SLCO3A1: variants seen among roughly 807,000 people sequenced by gnomAD.
SLCO3A1 encodes the protein PGE1 transporter.
Under a neutral mutation model 63.1 loss-of-function variants are expected in SLCO3A1, and 27 were observed. The ratio of observed to expected loss-of-function variants is 0.43; its 90% CI spans 0.32 to 0.59. The LOEUF (loss-of-function observed/expected upper bound fraction) is 0.59, where lower values mean the gene tolerates loss of function less well. Ranked by LOEUF, SLCO3A1 falls within the 20% of genes least tolerant of loss-of-function variation. SLCO3A1 has a pLI of 0.09. For missense variants in SLCO3A1, 773 were observed against 945.8 expected (o/e 0.82, Z 2.40); for synonymous variants, 473 against 409.9 (o/e 1.15, Z -1.86).
chr15:91,894,001 C>T lies in SLCO3A1; in HGVS notation c.181-21992C>T, dbSNP rs990907341. ...GTTGCCATAGCGACTGGATTGGAAG[C>T]GAAGGTGGTGCTGATCAAAGGAAGC... is the stretch of plus-strand genomic sequence containing the variant. On this transcript the variant is annotated intron_variant, in intron 1 of 9. Coordinates refer to ENST00000318445, the MANE Select transcript of SLCO3A1 (RefSeq NM_013272.4). This position sits in a 1 kb window ranked among gnomAD's most constrained non-coding sequence, Gnocchi z 4.8. Among the ~76,000 whole-genome samples the T allele has an allele frequency of 3.3e-5, 5 of 152,142 alleles. No individual in the cohort carries two copies. The highest frequency in any genetic ancestry group is 1.2e-4 in the African/African-American group (5 of 41,422).
chr15:91,951,743 C>T (rs368272627), intron 2 of SLCO3A1, among the ~76,000 whole-genome samples: 18 of 152,024 alleles, frequency 1.2e-4, no homozygotes, highest in Middle Eastern at 3.4e-3. Flanking sequence ...TTAGTAGAGA[C>T]GGGGTTTCAC....
At chr15:91,908,550 C>T (rs1898383336) in intron 1 of SLCO3A1, 1 of 151,944 alleles carries the variant, frequency 6.6e-6, no homozygotes, top group African/African-American at 2.4e-5. Flanking sequence ...GTGCCATTTC[C>T]CTAGAACTGT....
chr15:92,152,549 G>A (rs571141780), intron 9 of SLCO3A1, among the ~76,000 whole-genome samples: 25 of 152,346 alleles, frequency 1.6e-4, no homozygotes, highest in African/African-American at 5.8e-4. Context: ...GGAAGCTGTA[G>A]TAGCATGCAG....
intron 1 of SLCO3A1, among the ~76,000 whole-genome samples, chr15:91,870,038 G>C (rs780350375): frequency 3.3e-5 from 5 of 152,172 alleles, no homozygotes; most frequent in Non-Finnish European, 5.9e-5. Context: ...TCTGTGAATC[G>C]AGTAAGTTGC....
rs4932585 is a variant in SLCO3A1, at chr15:91,894,318, T to C, written c.181-21675T>C. 0.15 allele frequency among the ~76,000 whole-genome samples: 22,444 copies of C among 151,974 alleles called. 1,913 individuals are homozygous for C. Among genetic ancestry groups the C allele is most frequent in the East Asian group, 0.38 (1,938 of 5,138 alleles). On this transcript the variant is annotated intron_variant, in intron 1 of 9. Transcript: ENST00000318445. The surrounding 1 kb of genome is among the most constrained non-coding windows in gnomAD (Gnocchi z 4.8). The stretch of plus-strand genomic sequence containing the variant: ...TTTATTCCAGGCCCATGGGGAGCCA[T>C]TGGAAAATACTGAGTAACTTGCCAT...
intron 2 of SLCO3A1, among the ~76,000 whole-genome samples, chr15:92,011,523 AT>A (rs2046368691): frequency 6.6e-6 from 1 of 150,962 alleles, no homozygotes; most frequent in South Asian, 2.1e-4. Context: ...TAAAAAAAAA[AT>A]TCCATCTTAT....
intron 2 of SLCO3A1, among the ~76,000 whole-genome samples, chr15:91,924,868 G>T (rs1283464100): frequency 6.6e-6 from 1 of 152,252 alleles, no homozygotes; most frequent in Non-Finnish European, 1.5e-5. Context: ...ATTTGTGGCT[G>T]GTTGGGGCCT....
intron 8 of SLCO3A1, among the ~76,000 whole-genome samples, chr15:92,150,686 T>G (rs2048293402): frequency 1.3e-5 from 2 of 152,182 alleles, no homozygotes; most frequent in South Asian, 4.1e-4. Context: ...ATTTGCATTC[T>G]GTCCTTCGAA....
chr15:91,958,150 A>G (rs189100557), intron 2 of SLCO3A1, among the ~76,000 whole-genome samples: 39 of 152,360 alleles, frequency 2.6e-4, no homozygotes, highest in Non-Finnish European at 4.3e-4. Flanking sequence ...TCATGAATGC[A>G]TAGAATATAT....
chr15:91,980,198 T>C (rs2045967365), intron 2 of SLCO3A1, among the ~76,000 whole-genome samples: 2 of 152,086 alleles, frequency 1.3e-5, no homozygotes, highest in African/African-American at 2.4e-5. Flanking sequence ...TTCTCAGGGG[T>C]TGGTGTGGGG....
intron 2 of SLCO3A1, among the ~76,000 whole-genome samples, chr15:91,961,981 A>G (rs1900464629): frequency 6.6e-6 from 1 of 152,244 alleles, no homozygotes; most frequent in East Asian, 1.9e-4. Flanking sequence ...ACCTGGACTC[A>G]GAAGACTGGG....
chr15:91,894,868 C>T lies in SLCO3A1; in HGVS notation c.181-21125C>T, dbSNP rs879654028. Among the ~76,000 whole-genome samples the T allele has an allele frequency of 6.6e-6, 1 of 152,168 alleles. No individual in the cohort carries two copies. The highest frequency in any genetic ancestry group is 6.5e-5 in the Admixed American group (1 of 15,282). Reference sequence around the variant, plus strand: ...GAAACCCCCGGAGGGACAGGGAGTGCGTAGAAGCAGGTTGTAGCTCGCCTG... The same window carrying T: ...GAAACCCCCGGAGGGACAGGGAGTGTGTAGAAGCAGGTTGTAGCTCGCCTG... On this transcript the variant is annotated intron_variant, in intron 1 of 9. Transcript: ENST00000318445. The surrounding 1 kb of genome is among the most constrained non-coding windows in gnomAD (Gnocchi z 4.8).
chr15:91,875,755 G>C lies in SLCO3A1; in HGVS notation c.180+21667G>C, dbSNP rs1395219206. Among the ~76,000 whole-genome samples the C allele has an allele frequency of 2.0e-5, 3 of 152,160 alleles. No individual in the cohort carries two copies. The highest frequency in any genetic ancestry group is 4.4e-5 in the Non-Finnish European group (3 of 68,038). Reference sequence around the variant, plus strand: ...GCAGTGACAGTGATTCTAGAGCAGGGGTTGGCAAACTATAGCCCATGGGCC... The same window carrying C: ...GCAGTGACAGTGATTCTAGAGCAGGCGTTGGCAAACTATAGCCCATGGGCC... On this transcript the variant is annotated intron_variant, in intron 1 of 9. Coordinates refer to ENST00000318445, the MANE Select transcript of SLCO3A1 (RefSeq NM_013272.4). The surrounding 1 kb of genome is among the most constrained non-coding windows in gnomAD (Gnocchi z 4.5).
intron 2 of SLCO3A1, among the ~76,000 whole-genome samples, chr15:92,000,083 C>G (rs1322441759): frequency 1.3e-5 from 2 of 152,148 alleles, no homozygotes; most frequent in Non-Finnish European, 2.9e-5. Context: ...AGATAAAAGT[C>G]TCAGCTAAGT....
chr15:91,872,864 T>G lies in SLCO3A1; in HGVS notation c.180+18776T>G, dbSNP rs1422286073. On this transcript the variant is annotated intron_variant, in intron 1 of 9. Coordinates refer to ENST00000318445, the MANE Select transcript of SLCO3A1 (RefSeq NM_013272.4). The surrounding 1 kb of genome is among the most constrained non-coding windows in gnomAD (Gnocchi z 4.1). ...TCTGTTCTCTGTTCCCTTCCTCCCCTTTAGGGCATGGTGGCGTCTGTAAGT... is the reference window on the plus strand; with the variant it reads ...TCTGTTCTCTGTTCCCTTCCTCCCCGTTAGGGCATGGTGGCGTCTGTAAGT... Among the ~76,000 whole-genome samples the G allele has an allele frequency of 6.6e-6, 1 of 152,118 alleles. No individual in the cohort carries two copies. Among genetic ancestry groups the G allele is most frequent in the Non-Finnish European group, 1.5e-5 (1 of 68,024 alleles).
chr15:91,867,821 T>C (rs747921706), intron 1 of SLCO3A1, among the ~76,000 whole-genome samples: 31 of 152,128 alleles, frequency 2.0e-4, no homozygotes, highest in Non-Finnish European at 4.1e-4. Flanking sequence ...CCCCGGGTGT[T>C]CTGGGGGCTG....
At chr15:91,905,633 GT>G (rs777143660) in intron 1 of SLCO3A1, among the ~76,000 whole-genome samples, 2 of 148,034 alleles carry the variant, frequency 1.4e-5, no homozygotes, top group African/African-American at 5.0e-5. Context: ...TTAGTTTTTT[GT>G]TTTTTTTTTA....
Position 91,875,216 on chromosome 15 carries a change from C to A in SLCO3A1, c.180+21128C>A, listed in dbSNP as rs1041523464. ...TGTGTGTACCTGACACATGTCATCT[C>A]ATTTAGTCCTTTAGGGGCGGCAGTG... is the stretch of plus-strand genomic sequence containing the variant. On this transcript the variant is annotated intron_variant, in intron 1 of 9. Transcript: ENST00000318445. This position sits in a 1 kb window ranked among gnomAD's most constrained non-coding sequence, Gnocchi z 4.5. 6.6e-6 allele frequency among the ~76,000 whole-genome samples: 1 copy of A among 152,188 alleles called. No homozygotes were observed. Among genetic ancestry groups the A allele is most frequent in the African/African-American group, 2.4e-5 (1 of 41,446 alleles).
rs2151605626 is a variant in SLCO3A1, at chr15:92,163,484, C to T, written c.*349C>T. 5 of 1,016,516 alleles carry T rather than the reference C, an allele frequency of 4.9e-6. No homozygotes were observed. The South Asian group carries it at 1.9e-4, about 38-fold the overall frequency. The allele number at this position is 1,016,516 out of a possible 1,614,324, so 63.0% of individuals were successfully genotyped here. A position where few individuals can be genotyped will look rare whatever the true frequency, so the allele number is the denominator to read the frequency against. On this transcript the variant is annotated 3_prime_UTR_variant, in exon 10 of 10. Transcript: ENST00000318445. ...AGTGGTGGCCAGCTTGGAGGATGGA[C>T]ATTTCTGGATACACATACACATACA...
Sources: allele counts gnomAD v4.1 joint callset (sites outside exome capture counted in the v4.1 genomes callset), GRCh38; gene constraint gnomAD v4.1.1; non-coding constraint Gnocchi (gnomAD v3.1); transcripts MANE v1.5; gene names NCBI Gene and HGNC (gene_info 2026-07-23, HGNC 2026-07-21).